The following FNDC3B variants were observed in gnomAD, a reference collection of about 807,000 sequenced individuals.
FNDC3B encodes fibronectin type III domain-containing protein 3B.
FNDC3B carries 12 observed loss-of-function variants against 151.5 expected under a neutral mutation model. The observed-to-expected ratio is 0.08, with a 90% CI of 0.05 to 0.13. The LOEUF is 0.13. Ranked by LOEUF, FNDC3B falls within the 10% of genes least tolerant of loss-of-function variation. The pLI, the probability that FNDC3B is intolerant of heterozygous loss-of-function variation, is 1.00. For synonymous variants in FNDC3B, 528 were observed against 549.0 expected (o/e 0.96, Z 0.54); for missense variants, 1,214 against 1,505.3 (o/e 0.81, Z 3.20).
chr3:172,387,640 T>G (rs756168618), intron 25 of FNDC3B, among the ~76,000 whole-genome samples: 5 of 152,196 alleles, frequency 3.3e-5, no homozygotes, highest in Non-Finnish European at 7.3e-5. Context: ...ACCCCTTATA[T>G]CAGAAAAATT....
intron 3 of FNDC3B, among the ~76,000 whole-genome samples, chr3:172,168,221 T>C (rs532377587): frequency 7.9e-5 from 12 of 152,356 alleles, no homozygotes; most frequent in African/African-American, 2.4e-4. Flanking sequence ...CCAGCTGTTA[T>C]ACATATTGCC....
At chr3:172,353,962 G>GAA (rs373524382) in intron 22 of FNDC3B, among the ~76,000 whole-genome samples, 66,251 of 148,428 alleles carry the variant, frequency 0.45, 15,937 homozygotes, top group Non-Finnish European at 0.56. Flanking sequence ...TGATCTTGGG[G>GAA]AAAAAAAAAA....
chr3:172,262,405 C>A (rs186100138), intron 6 of FNDC3B, among the ~76,000 whole-genome samples: 2 of 152,280 alleles, frequency 1.3e-5, no homozygotes, highest in East Asian at 3.9e-4. Context: ...ACCTCTTGTG[C>A]TGGATTAGAG....
intron 23 of FNDC3B, among the ~76,000 whole-genome samples, chr3:172,363,095 C>G (rs1316482324): frequency 6.6e-6 from 1 of 151,374 alleles, no homozygotes; most frequent in Non-Finnish European, 1.5e-5. Context: ...TTTCATCAAG[C>G]CAGATAATGG....
rs1375691516 is a variant in FNDC3B, at chr3:172,352,926, G to A, written c.2638G>A (p.Asp880Asn). Residue 880 changes from aspartate (D) to asparagine (N), a missense_variant, in exon 22 of 26, where the codon GAT (aspartate) becomes AAT (asparagine). Transcript: ENST00000415807. This position sits in a 1 kb window ranked among gnomAD's most constrained non-coding sequence, Gnocchi z 4.2. ...LEEEPLDAYP[D>N]SPSACLVLNW... The stretch of plus-strand genomic sequence containing the variant: ...GGAGGAGCCCCTTGATGCCTACCCT[G>A]ATTCACCTTCTGCGTGCCTTGTACT... 6.2e-6 allele frequency: 10 copies of A among 1,614,074 alleles called. No homozygotes were observed. Among genetic ancestry groups the A allele is most frequent in the South Asian group, 3.3e-5 (3 of 91,088 alleles).
chr3:172,277,898 C>T (rs1729517137), intron 6 of FNDC3B, among the ~76,000 whole-genome samples: 1 of 152,124 alleles, frequency 6.6e-6, no homozygotes, highest in African/African-American at 2.4e-5. Flanking sequence ...AGTATGTACC[C>T]ACACATGTAA....
At chr3:172,388,644 A>G (rs1735851518) in intron 25 of FNDC3B, among the ~76,000 whole-genome samples, 1 of 152,188 alleles carries the variant, frequency 6.6e-6, no homozygotes, top group Non-Finnish European at 1.5e-5. Flanking sequence ...GCCTGGCGAC[A>G]TGGTGATTTT....
chr3:172,239,493 AC>A (rs1215627514), intron 4 of FNDC3B, among the ~76,000 whole-genome samples: 1 of 152,076 alleles, frequency 6.6e-6, no homozygotes, highest in African/African-American at 2.4e-5. Context: ...GTTTTCTGCC[AC>A]CCTGGCAAAC....
chr3:172,238,545 C>T (rs960129084), intron 4 of FNDC3B, among the ~76,000 whole-genome samples: 20 of 152,196 alleles, frequency 1.3e-4, no homozygotes, highest in African/African-American at 4.8e-4. Context: ...TGCCCTAGAA[C>T]ATTCCTTTAT....
chr3:172,127,049 T>C (rs1379900918), intron 2 of FNDC3B: 1 of 456,562 alleles, frequency 2.2e-6, no homozygotes, highest in Non-Finnish European at 4.4e-6. Flanking sequence ...AGAGAAAATC[T>C]GGTCAGAGGT....
At chr3:172,060,952 C>G (rs1717166072) in intron 1 of FNDC3B, among the ~76,000 whole-genome samples, 1 of 152,154 alleles carries the variant, frequency 6.6e-6, no homozygotes, top group Admixed American at 6.5e-5. Context: ...TTTTCTTGTT[C>G]AGTCAATAAT....
chr3:172,218,733 G>T (rs1374647906), intron 3 of FNDC3B, among the ~76,000 whole-genome samples: 1 of 152,182 alleles, frequency 6.6e-6, no homozygotes, highest in Non-Finnish European at 1.5e-5. Context: ...TTGCCCCAAG[G>T]TCATGCTAGA....
At position 172,362,819 on chromosome 3, in the gene FNDC3B, A is replaced by C. The variant is rs747664087; in HGVS notation, c.2982A>C (p.Thr994=). 1.2e-6 allele frequency: 2 copies of C among 1,613,868 alleles called. No individual in the cohort carries two copies. Among genetic ancestry groups the C allele is most frequent in the Non-Finnish European group, 1.7e-6 (2 of 1,179,896 alleles). ...KTHAAEDIVY[T]LQLEDRNKRF... ...ATGCTGCTGAGGACATTGTGTACAC[A>C]CTACAGCTGGAGGACAGAAACAAGA... Residue 994 remains threonine, a synonymous_variant, in exon 23 of 26, where the codon ACA becomes ACC. Coordinates refer to ENST00000415807, the MANE Select transcript of FNDC3B (RefSeq NM_022763.4).
intron 2 of FNDC3B, among the ~76,000 whole-genome samples, chr3:172,129,693 G>A (rs1034967213): frequency 6.6e-6 from 1 of 152,118 alleles, no homozygotes; most frequent in African/African-American, 2.4e-5. Flanking sequence ...TAACACTAAC[G>A]GTTTTGAAAC....
At chr3:172,339,988 A>G (rs969943233) in intron 16 of FNDC3B, among the ~76,000 whole-genome samples, 1 of 152,254 alleles carries the variant, frequency 6.6e-6, no homozygotes, top group Non-Finnish European at 1.5e-5. Context: ...CAGGGAATAG[A>G]AAAAGCATTT....
chr3:172,062,704 C>CT (rs148424802), intron 1 of FNDC3B, among the ~76,000 whole-genome samples: 2,410 of 149,218 alleles, frequency 0.016, 64 homozygotes, highest in African/African-American at 0.055. Context: ...TTTCTAAGTA[C>CT]TTTTTTTTTT....
chr3:172,366,072 T>C (rs1734608012), intron 23 of FNDC3B, among the ~76,000 whole-genome samples: 1 of 152,190 alleles, frequency 6.6e-6, no homozygotes, highest in African/African-American at 2.4e-5. Flanking sequence ...TTTTCCTTCA[T>C]ATTTTTAGTT....
intron 11 of FNDC3B, among the ~76,000 whole-genome samples, chr3:172,318,824 A>G (rs938104305): frequency 3.3e-5 from 5 of 152,240 alleles, no homozygotes; most frequent in African/African-American, 1.2e-4. Context: ...ATCAGAGACC[A>G]TCTTTCACAT....
chr3:172,309,809 A>G (rs1731377305), intron 10 of FNDC3B, among the ~76,000 whole-genome samples: 1 of 152,188 alleles, frequency 6.6e-6, no homozygotes, highest in Non-Finnish European at 1.5e-5. Flanking sequence ...CCAATTATTT[A>G]TCATACCTAT....
Sources: gnomAD v4.1 joint callset for allele counts (sites outside exome capture counted in the v4.1 genomes callset) on GRCh38, gnomAD v4.1.1 for gene constraint, Gnocchi (gnomAD v3.1) non-coding constraint, MANE v1.5 for transcripts, NCBI Gene and HGNC (gene_info 2026-07-23, HGNC 2026-07-21) for gene names.